DIPK1A: variants seen among roughly 807,000 people sequenced by gnomAD.
DIPK1A encodes the protein family with sequence similarity 69 member A.
Under a neutral mutation model 40.8 loss-of-function variants are expected in DIPK1A, and 27 were observed. That is an observed-to-expected ratio of 0.66 (90% confidence interval 0.49 to 0.91). DIPK1A has a LOEUF of 0.91. DIPK1A is among the 40% of genes least tolerant of loss of function. The probability of loss-of-function intolerance (pLI) is 0.00; values close to 1 mark genes in which losing one functional copy is unlikely to be tolerated. For missense variants in DIPK1A, 412 were observed against 505.7 expected, an observed-to-expected ratio of 0.81 and a Z score of 1.78; for synonymous variants, 166 against 171.3, an observed-to-expected ratio of 0.97 and a Z score of 0.24.
Position 92,845,626 on chromosome 1 carries a change from G to A in DIPK1A, c.475-1431C>T, listed in dbSNP as rs1344016329. On this transcript the variant is annotated intron_variant, in intron 4 of 4. Coordinates refer to ENST00000370310, the MANE Select transcript of DIPK1A (RefSeq NM_001006605.5). ...GGCTGAGGCGGGTGGATCACCATGA[G>A]GTCAGGAGTTCGAGACCAGCCTGGC... is the stretch of plus-strand genomic sequence containing the variant. 18 of 232,262 alleles carry A rather than the reference G, an allele frequency of 7.7e-5. No homozygotes were observed. In the Admixed American group the frequency reaches 9.2e-4, roughly 12 times the overall value. The allele number at this position is 232,262 out of a possible 1,614,324, so 14.4% of individuals were successfully genotyped here. A position where few individuals can be genotyped will look rare whatever the true frequency, so the allele number is the denominator to read the frequency against.
rs372050060 is a variant in DIPK1A, at chr1:92,853,115, G to A, written c.190-2160C>T. ...TGAGAAATGCAAGCAAAATGAAATG[G>A]AAATTTAAAAATAATAAAATGAATT... On this transcript the variant is annotated intron_variant, in intron 2 of 4. Coordinates refer to ENST00000370310, the MANE Select transcript of DIPK1A (RefSeq NM_001006605.5). Among the ~76,000 whole-genome samples the A allele has an allele frequency of 3.9e-5, 6 of 152,088 alleles. 1 individual carries two copies. The South Asian group carries it at 1.2e-3, about 32-fold the overall frequency.
chr1:92,863,752 C>A lies in DIPK1A; in HGVS notation c.189+12544G>T, dbSNP rs189104388. Among the ~76,000 whole-genome samples the A allele has an allele frequency of 2.1e-3, 322 of 152,070 alleles. 3 individuals carry two copies. Among genetic ancestry groups the A allele is most frequent in the Middle Eastern group, 3.4e-3 (1 of 294 alleles). ...TTTCTTAAAAGGAAAAAAGCTTGTA[C>A]TTTAAAACAGTGTGTTCCGGCCAGG... On this transcript the variant is annotated intron_variant, in intron 2 of 4. Coordinates refer to ENST00000370310, the MANE Select transcript of DIPK1A (RefSeq NM_001006605.5).
intron 1 of DIPK1A, among the ~76,000 whole-genome samples, chr1:92,919,546 C>T (rs975073575): frequency 1.3e-5 from 2 of 152,146 alleles, no homozygotes; most frequent in Admixed American, 6.6e-5. Context: ...CAGGATACCC[C>T]GTACACCCTA....
intron 1 of DIPK1A, among the ~76,000 whole-genome samples, chr1:92,947,745 G>A (rs544142755): frequency 2.0e-5 from 3 of 152,276 alleles, no homozygotes; most frequent in African/African-American, 4.8e-5. Flanking sequence ...TGTCTTTCAC[G>A]GCAATATGGA....
rs539934537 is a variant in DIPK1A at position 92,922,242 on chromosome 1, TAGA to T, written c.54+39131_54+39133del. 3.7e-4 allele frequency among the ~76,000 whole-genome samples: 57 copies of T among 152,200 alleles called. No individual in the cohort carries two copies. In the South Asian group the frequency reaches 7.5e-3, roughly 20 times the overall value. ...GAAAAATACATGCTCATTTCAAAAG[TAGA>T]AGATTTGAAAATCACAACTTAGTAG... On this transcript the variant is annotated intron_variant, in intron 1 of 4. Coordinates refer to ENST00000370310, the MANE Select transcript of DIPK1A (RefSeq NM_001006605.5).
intron 1 of DIPK1A, among the ~76,000 whole-genome samples, chr1:92,881,848 A>T (rs1648388850): frequency 6.6e-6 from 1 of 152,156 alleles, no homozygotes; most frequent in African/African-American, 2.4e-5. Context: ...GATTATGGAT[A>T]ATTTTTATTT....
At chr1:92,838,512 TA>T (rs1687210957), downstream of DIPK1A, among the ~76,000 whole-genome samples, 1 of 152,254 alleles carries the variant, frequency 6.6e-6, no homozygotes, top group Non-Finnish European at 1.5e-5. Flanking sequence ...GTTTACTTCC[TA>T]ATGCTTTCCT....
chr1:92,842,564 A>C lies in DIPK1A; in HGVS notation c.*819T>G. The C allele has an allele frequency of 2.0e-6, 2 of 984,954 alleles. No individual in the cohort carries two copies. Among genetic ancestry groups the C allele is most frequent in the Non-Finnish European group, 2.4e-6 (2 of 829,706 alleles). 61.0% of individuals were successfully genotyped at this position (984,954 alleles called of 1,614,324 possible). A position where few individuals can be genotyped will look rare whatever the true frequency, so the allele number is the denominator to read the frequency against. On this transcript the variant is annotated 3_prime_UTR_variant, in exon 5 of 5. Coordinates refer to ENST00000370310, the MANE Select transcript of DIPK1A (RefSeq NM_001006605.5). ...CACAGGATATACTGTTTGAAAATGG[A>C]AAGTTATTACTAAAAAGTCTGCTAT... is the stretch of plus-strand genomic sequence containing the variant.
At chr1:92,833,525 C>T (rs1472354646) in intron 4 of DIPK1A, 1 of 1,611,696 alleles carries the variant, frequency 6.2e-7, no homozygotes, top group East Asian at 2.2e-5. Context: ...ATCCTTTCTA[C>T]AATTATTTTT....
chr1:92,953,264 G>A (rs1403577212), intron 1 of DIPK1A, among the ~76,000 whole-genome samples: 1 of 149,102 alleles, frequency 6.7e-6, no homozygotes, highest in African/African-American at 2.5e-5. Flanking sequence ...GAAAAGAAGT[G>A]CAGACGGGGA....
intron 1 of DIPK1A, among the ~76,000 whole-genome samples, chr1:92,900,688 C>T (rs1316806648): frequency 1.3e-5 from 2 of 152,104 alleles, no homozygotes; most frequent in Admixed American, 1.3e-4. Context: ...CCCTACCCTA[C>T]TCCTGAGGCC....
chr1:92,848,471 G>T lies in DIPK1A; in HGVS notation c.298-1112C>A, dbSNP rs1252056731. Among the ~76,000 whole-genome samples, 3 of 152,134 alleles carry T rather than the reference G, an allele frequency of 2.0e-5. No individual in the cohort carries two copies. In the East Asian group the frequency reaches 5.8e-4, roughly 29 times the overall value. Reference sequence around the variant, plus strand: ...TGCTTCCTGACCTGCTTCACTTGCTGCTGGCTCTGCCTGGAATGTACTCTC... The same window carrying T: ...TGCTTCCTGACCTGCTTCACTTGCTTCTGGCTCTGCCTGGAATGTACTCTC... On this transcript the variant is annotated intron_variant, in intron 3 of 4. Coordinates refer to ENST00000370310, the MANE Select transcript of DIPK1A (RefSeq NM_001006605.5).
At chr1:92,893,656 T>C (rs1397855601) in intron 1 of DIPK1A, among the ~76,000 whole-genome samples, 2 of 150,810 alleles carry the variant, frequency 1.3e-5, no homozygotes, top group Non-Finnish European at 3.0e-5. Context: ...ATAACAATAT[T>C]AACCTTAAAT....
intron 1 of DIPK1A, among the ~76,000 whole-genome samples, chr1:92,922,033 G>A (rs1650290091): frequency 6.6e-6 from 1 of 152,040 alleles, no homozygotes; most frequent in Non-Finnish European, 1.5e-5. Context: ...AAAAAGGTTA[G>A]TATTTTAAAT....
chr1:92,898,090 C>T (rs895530891), intron 1 of DIPK1A, among the ~76,000 whole-genome samples: 3 of 147,472 alleles, frequency 2.0e-5, no homozygotes, highest in African/African-American at 7.5e-5. Flanking sequence ...CAGAGCGAGA[C>T]TCCATCTCAA....
chr1:92,905,746 A>G (rs1231162350), intron 1 of DIPK1A, among the ~76,000 whole-genome samples: 2 of 152,160 alleles, frequency 1.3e-5, no homozygotes, highest in East Asian at 3.8e-4. Flanking sequence ...TAGTAGTTTC[A>G]TAATTTCAGG....
rs1219285174 is a variant in DIPK1A, at chr1:92,870,281, A to AGTGGT, written c.189+6010_189+6014dup. The stretch of plus-strand genomic sequence containing the variant: ...TGCTTTGTTGCCCAGGCTGGAGTGC[A>AGTGGT]GTGGTGCAATCTCAGCTCACTGCAG... On this transcript the variant is annotated intron_variant, in intron 2 of 4. Transcript: ENST00000370310. 4.6e-5 allele frequency among the ~76,000 whole-genome samples: 7 copies of AGTGGT among 152,270 alleles called. No individual in the cohort carries two copies. The East Asian group carries it at 1.3e-3, about 29-fold the overall frequency.
At chr1:92,941,802 A>G (rs1651158488) in intron 1 of DIPK1A, among the ~76,000 whole-genome samples, 1 of 152,110 alleles carries the variant, frequency 6.6e-6, no homozygotes, top group African/African-American at 2.4e-5. Context: ...TTAACTATCC[A>G]CACTCTATAC....
intron 4 of DIPK1A, chr1:92,834,084 A>G (rs1357104243): frequency 7.8e-6 from 2 of 258,044 alleles, no homozygotes; most frequent in South Asian, 4.7e-5. Flanking sequence ...TGACAGAGCA[A>G]GACACTGAAA....
Sources: gnomAD v4.1 joint callset for allele counts (sites outside exome capture counted in the v4.1 genomes callset) on GRCh38, gnomAD v4.1.1 for gene constraint, MANE v1.5 for transcripts, NCBI Gene and HGNC (gene_info 2026-07-23, HGNC 2026-07-21) for gene names.